The following ARHGAP10 variants were observed in gnomAD, a reference collection of about 807,000 sequenced individuals.
ARHGAP10 encodes the protein Rho GTPase activating protein 10.
ARHGAP10 carries 87 observed loss-of-function variants against 108.6 expected under a neutral mutation model. The ratio of observed to expected loss-of-function variants is 0.80; its 90% confidence interval spans 0.67 to 0.96. The LOEUF is 0.96. Ranked by LOEUF, ARHGAP10 falls within the 40% of genes least tolerant of loss-of-function variation. The pLI is 0.00. For missense variants in ARHGAP10, 939 were observed against 954.5 expected, an observed-to-expected ratio of 0.98 and a Z score of 0.21; for synonymous variants, 347 against 341.1, an observed-to-expected ratio of 1.02 and a Z score of -0.19.
intron 18 of ARHGAP10, among the ~76,000 whole-genome samples, chr4:147,971,196 C>T (rs904965619): frequency 4.0e-5 from 6 of 151,596 alleles, no homozygotes; most frequent in Non-Finnish European, 7.4e-5. Flanking sequence ...GCAAAGGGTG[C>T]TGTGAACTTT....
chr4:147,835,449 T>A (rs1733129994), intron 3 of ARHGAP10, among the ~76,000 whole-genome samples: 2 of 152,250 alleles, frequency 1.3e-5, no homozygotes, highest in African/African-American at 4.8e-5. Flanking sequence ...CTTGGCTCAC[T>A]GCAGCCTCTG....
intron 10 of ARHGAP10, among the ~76,000 whole-genome samples, chr4:147,903,425 C>T (rs561424624): frequency 1.3e-5 from 2 of 152,320 alleles, no homozygotes; most frequent in South Asian, 2.1e-4. Context: ...CACCAGAATG[C>T]TGCATTTGTT....
At chr4:147,869,585 A>G (rs1734715236) in intron 7 of ARHGAP10, among the ~76,000 whole-genome samples, 3 of 152,050 alleles carry the variant, frequency 2.0e-5, no homozygotes, top group Admixed American at 1.3e-4. Context: ...GTTTATTGAA[A>G]AAAAAAAAGC....
chr4:147,826,776 TA>T (rs1732725394), intron 3 of ARHGAP10, among the ~76,000 whole-genome samples: 1 of 152,120 alleles, frequency 6.6e-6, no homozygotes, highest in Non-Finnish European at 1.5e-5. Flanking sequence ...AGCAGACACT[TA>T]AAAAAACACA....
chr4:147,779,735 T>G (rs1730454338), intron 1 of ARHGAP10, among the ~76,000 whole-genome samples: 1 of 152,218 alleles, frequency 6.6e-6, no homozygotes, highest in Non-Finnish European at 1.5e-5. Flanking sequence ...CCAAAGATGA[T>G]TGCCTATCCT....
intron 1 of ARHGAP10, among the ~76,000 whole-genome samples, chr4:147,766,836 A>ATATATT (rs1729852960): frequency 5.0e-4 from 22 of 43,590 alleles, no homozygotes; most frequent in African/African-American, 1.5e-3. Context: ...ATATATATAT[A>ATATATT]TATTTATTTA....
At chr4:147,847,313 A>T (rs553372616) in intron 4 of ARHGAP10, 91 bp downstream of exon 4, 1 of 1,153,336 alleles carries the variant, frequency 8.7e-7, no homozygotes, top group Non-Finnish European at 1.3e-6. Context: ...TTTGAAGGAG[A>T]TGCCGGAGCA....
chr4:148,002,497 C>A (rs1351487317), intron 18 of ARHGAP10, among the ~76,000 whole-genome samples: 1 of 152,148 alleles, frequency 6.6e-6, no homozygotes, highest in Non-Finnish European at 1.5e-5. Flanking sequence ...GGTACCAGCT[C>A]CTCCTTGTAC....
At chr4:147,848,059 AT>A (rs886547989) in intron 4 of ARHGAP10, among the ~76,000 whole-genome samples, 9 of 145,062 alleles carry the variant, frequency 6.2e-5, no homozygotes, top group African/African-American at 1.5e-4. Context: ...TTATATTTGT[AT>A]TTTTTTCCCC....
chr4:147,803,506 C>A (rs1731662643), intron 1 of ARHGAP10, among the ~76,000 whole-genome samples: 1 of 152,116 alleles, frequency 6.6e-6, no homozygotes, highest in Non-Finnish European at 1.5e-5. Flanking sequence ...TATAGTCAGC[C>A]TTCTGTACTG....
chr4:148,028,562 AG>A (rs1727986481), intron 19 of ARHGAP10, among the ~76,000 whole-genome samples: 1 of 152,206 alleles, frequency 6.6e-6, no homozygotes, highest in Admixed American at 6.5e-5. Context: ...CTGCTGCTGT[AG>A]GGTAGTATTC....
intron 1 of ARHGAP10, among the ~76,000 whole-genome samples, chr4:147,780,327 TC>T (rs1207774262): frequency 6.6e-6 from 1 of 151,994 alleles, no homozygotes; most frequent in African/African-American, 2.4e-5. Context: ...CTACCTCTCC[TC>T]TCCTACCCAG....
chr4:147,798,041 T>C (rs1187760069), intron 1 of ARHGAP10, among the ~76,000 whole-genome samples: 2 of 152,256 alleles, frequency 1.3e-5, no homozygotes, highest in East Asian at 1.9e-4. Context: ...CTTTGTCCCC[T>C]GTTCAGGTGT....
At chr4:147,852,729 TTAA>T (rs1733923985) in intron 4 of ARHGAP10, among the ~76,000 whole-genome samples, 1 of 106,174 alleles carries the variant, frequency 9.4e-6, no homozygotes, top group Admixed American at 9.2e-5. Flanking sequence ...TTTTTTTTTT[TTAA>T]AATGGAGCGG....
chr4:148,064,338 G>A, intron 21 of ARHGAP10, 78 bp from the exon 22 acceptor site: 1 of 1,281,338 alleles, frequency 7.8e-7, no homozygotes, highest in Non-Finnish European at 1.1e-6. Context: ...GAGATTTGGG[G>A]AAGGGGGGTT....
chr4:147,735,025 A>G (rs370969122), intron 1 of ARHGAP10, among the ~76,000 whole-genome samples: 3 of 152,176 alleles, frequency 2.0e-5, no homozygotes, highest in Admixed American at 6.5e-5. Flanking sequence ...AGATTTCAAT[A>G]TGTAATTTTG....
At chr4:148,021,451 G>A (rs1381155205) in intron 18 of ARHGAP10, among the ~76,000 whole-genome samples, 1 of 152,218 alleles carries the variant, frequency 6.6e-6, no homozygotes, top group African/African-American at 2.4e-5. Context: ...GGATATACTG[G>A]CTGTGTGTAT....
At chr4:147,819,056 A>T (rs1354345991) in intron 1 of ARHGAP10, among the ~76,000 whole-genome samples, 1 of 152,240 alleles carries the variant, frequency 6.6e-6, no homozygotes, top group Non-Finnish European at 1.5e-5. Flanking sequence ...GGAGAAATAC[A>T]TCAGATTAGT....
intron 22 of ARHGAP10, among the ~76,000 whole-genome samples, chr4:148,069,837 C>T (rs1007315622): frequency 2.0e-5 from 3 of 152,146 alleles, no homozygotes; most frequent in Admixed American, 6.5e-5. Flanking sequence ...TTGTTACAAC[C>T]CTGAGGGCCT....
Sources: allele counts gnomAD v4.1 joint callset (sites outside exome capture counted in the v4.1 genomes callset), GRCh38; gene constraint gnomAD v4.1.1; transcripts MANE v1.5; gene names NCBI Gene and HGNC (gene_info 2026-07-23, HGNC 2026-07-21).